Variants in INPP4B observed in about 807,000 individuals in gnomAD.
INPP4B encodes inositol polyphosphate 4-phosphatase type II.
In INPP4B, 55 loss-of-function variants were observed where a neutral mutation model predicts 122.5. That is an observed-to-expected ratio of 0.45 (90% CI 0.36 to 0.56). INPP4B has a LOEUF of 0.56. Ranked by LOEUF, INPP4B falls within the 20% of genes least tolerant of loss-of-function variation. The pLI is 0.00. For synonymous variants in INPP4B, 403 were observed against 388.7 expected (o/e 1.04, Z -0.43); for missense variants, 1,000 against 1,097.7 (o/e 0.91, Z 1.26).
At chr4:142,489,660 C>T (rs1821618722) in intron 2 of INPP4B, among the ~76,000 whole-genome samples, 1 of 152,136 alleles carries the variant, frequency 6.6e-6, no homozygotes, top group African/African-American at 2.4e-5. Flanking sequence ...TCCCAAAGGG[C>T]TGGGATTACA....
intron 7 of INPP4B, among the ~76,000 whole-genome samples, chr4:142,365,715 A>T (rs1036857226): frequency 1.3e-5 from 2 of 152,096 alleles, no homozygotes; most frequent in Admixed American, 6.6e-5. Context: ...TAAAACTACA[A>T]AGCATCACTA....
chr4:142,735,165 C>T (rs201694622), intron 1 of INPP4B, among the ~76,000 whole-genome samples: 8 of 151,970 alleles, frequency 5.3e-5, no homozygotes, highest in East Asian at 1.9e-4. Flanking sequence ...CTTTTATGTA[C>T]GTTTAATTTA....
chr4:142,801,413 T>A (rs778568722), intron 1 of INPP4B, among the ~76,000 whole-genome samples: 5 of 151,982 alleles, frequency 3.3e-5, no homozygotes, highest in Admixed American at 6.6e-5. Flanking sequence ...ACTGGAGTCA[T>A]AAGAAGAGGA....
chr4:142,789,764 G>A (rs1418495339), intron 1 of INPP4B, among the ~76,000 whole-genome samples: 1 of 151,816 alleles, frequency 6.6e-6, no homozygotes, highest in Non-Finnish European at 1.5e-5. Context: ...AACCAAAAAA[G>A]CCCACATTGC....
chr4:142,725,066 G>A (rs538651990), intron 2 of INPP4B, among the ~76,000 whole-genome samples: 164 of 152,130 alleles, frequency 1.1e-3, no homozygotes, highest in Non-Finnish European at 1.7e-3. Context: ...TAAACTGTCT[G>A]AAACTTTTCT....
intron 23 of INPP4B, among the ~76,000 whole-genome samples, chr4:142,100,583 C>T (rs1208953544): frequency 6.6e-6 from 1 of 152,134 alleles, no homozygotes; most frequent in Non-Finnish European, 1.5e-5. Context: ...CCATTGAGAA[C>T]TTGGCATTAT....
intron 2 of INPP4B, among the ~76,000 whole-genome samples, chr4:142,506,766 TATG>T (rs1328908946): frequency 1.3e-5 from 2 of 152,184 alleles, no homozygotes; most frequent in Non-Finnish European, 2.9e-5. Context: ...AGTTATGATA[TATG>T]ATTATACTAT....
intron 23 of INPP4B, among the ~76,000 whole-genome samples, chr4:142,102,854 A>T (rs1170583358): frequency 1.3e-5 from 2 of 151,924 alleles, no homozygotes; most frequent in Non-Finnish European, 2.9e-5. Flanking sequence ...TTTGTCCATA[A>T]CTTCCACCCT....
chr4:142,237,604 T>C (rs1158934400), intron 12 of INPP4B, among the ~76,000 whole-genome samples: 3 of 152,018 alleles, frequency 2.0e-5, no homozygotes, highest in Non-Finnish European at 4.4e-5. Context: ...TACATGGGAC[T>C]AGTGGCCACC....
At chr4:142,091,069 T>C (rs1317452300) in intron 23 of INPP4B, among the ~76,000 whole-genome samples, 1 of 152,166 alleles carries the variant, frequency 6.6e-6, no homozygotes, top group Non-Finnish European at 1.5e-5. Flanking sequence ...AGGATATTGA[T>C]GTTCTCATAG....
chr4:142,670,067 C>T (rs532399277), intron 2 of INPP4B, among the ~76,000 whole-genome samples: 2 of 152,194 alleles, frequency 1.3e-5, no homozygotes, highest in African/African-American at 2.4e-5. Flanking sequence ...AGTTTGAAAT[C>T]GCATGCTTTG....
intron 9 of INPP4B, among the ~76,000 whole-genome samples, chr4:142,299,287 G>A (rs960751257): frequency 4.6e-5 from 7 of 151,332 alleles, no homozygotes; most frequent in South Asian, 2.1e-4. Flanking sequence ...ACAGCCTCTC[G>A]CATAGCTGGG....
At chr4:142,769,759 C>T (rs1174186784) in intron 1 of INPP4B, among the ~76,000 whole-genome samples, 1 of 151,744 alleles carries the variant, frequency 6.6e-6, no homozygotes, top group Non-Finnish European at 1.5e-5. Flanking sequence ...TACTAAAATA[C>T]AAAAAATAGC....
intron 2 of INPP4B, among the ~76,000 whole-genome samples, chr4:142,601,485 CA>C (rs1739895793): frequency 7.1e-6 from 1 of 140,286 alleles, no homozygotes; most frequent in African/African-American, 2.7e-5. Context: ...AGATGAAAAT[CA>C]AAAAAATTAT....
intron 1 of INPP4B, among the ~76,000 whole-genome samples, chr4:142,745,801 T>A (rs1001171389): frequency 2.0e-5 from 3 of 151,756 alleles, no homozygotes; most frequent in Non-Finnish European, 4.4e-5. Flanking sequence ...GACAGATAAA[T>A]CTCAAGACAA....
In INPP4B at chr4:142,622,817, T is replaced by A. The variant is rs552243201; in HGVS notation, c.-191+103022A>T. ...GCTGTAAAACACATTTTGAGTCCTG[T>A]ACTACAGAAATTTTTTGGAACAGCG... is the stretch of plus-strand genomic sequence containing the variant. On this transcript the variant is annotated intron_variant, in intron 2 of 25. Coordinates refer to ENST00000262992, the MANE Select transcript of INPP4B (RefSeq NM_001101669.3). Among the ~76,000 whole-genome samples the A allele has an allele frequency of 2.6e-5, 4 of 152,132 alleles. No homozygotes were observed. In the East Asian group the frequency reaches 7.8e-4, roughly 30 times the overall value.
intron 1 of INPP4B, among the ~76,000 whole-genome samples, chr4:142,743,003 C>T (rs566284839): frequency 6.6e-6 from 1 of 151,912 alleles, no homozygotes; most frequent in South Asian, 2.1e-4. Flanking sequence ...AGTGTATTAA[C>T]TTCAAACCAG....
At chr4:142,074,936 G>T (rs577208463) in intron 25 of INPP4B, among the ~76,000 whole-genome samples, 31 of 151,972 alleles carry the variant, frequency 2.0e-4, no homozygotes, top group Non-Finnish European at 4.4e-4. Flanking sequence ...ACACAGTTCA[G>T]ATTCTACCTC....
At chr4:142,434,613 C>T (rs1031300111) in intron 3 of INPP4B, among the ~76,000 whole-genome samples, 9 of 152,084 alleles carry the variant, frequency 5.9e-5, no homozygotes, top group Admixed American at 5.9e-4. Context: ...TGAGCTGAGA[C>T]CTAGCACATG....
Sources: allele counts gnomAD v4.1 joint callset (sites outside exome capture counted in the v4.1 genomes callset), GRCh38; gene constraint gnomAD v4.1.1; transcripts MANE v1.5; gene names NCBI Gene and HGNC (gene_info 2026-07-23, HGNC 2026-07-21).